The following TENM3 variants were observed in gnomAD, a reference collection of about 807,000 sequenced individuals.
TENM3 encodes teneurin-3.
Under a neutral mutation model 255.1 loss-of-function variants are expected in TENM3, and 63 were observed. The observed-to-expected ratio is 0.25, with a 90% confidence interval of 0.20 to 0.30. TENM3 has a LOEUF of 0.30. TENM3 is among the 10% of genes least tolerant of loss of function. The probability of loss-of-function intolerance (pLI) is 1.00; values close to 1 mark genes in which losing one functional copy is unlikely to be tolerated. For synonymous variants in TENM3, 1,306 were observed against 1,322.3 expected (o/e 0.99, Z 0.27); for missense variants, 2,929 against 3,461.1 (o/e 0.85, Z 3.86).
At chr4:181,946,837 G>C in the TENM3 span, among the ~76,000 whole-genome samples, 1 of 152,168 alleles carries the variant, frequency 6.6e-6, no homozygotes, top group Non-Finnish European at 1.5e-5. Flanking sequence ...ATCAAGTCGG[G>C]AGAAAATCTC....
the TENM3 span, among the ~76,000 whole-genome samples, chr4:181,785,435 C>T: frequency 6.6e-6 from 1 of 152,122 alleles, no homozygotes; most frequent in Non-Finnish European, 1.5e-5. Flanking sequence ...CCAAAAGAGG[C>T]AAGCCAACTG....
intron 3 of TENM3, among the ~76,000 whole-genome samples, chr4:182,508,214 A>G (rs1218921647): frequency 1.3e-5 from 2 of 152,224 alleles, no homozygotes; most frequent in Non-Finnish European, 2.9e-5. Context: ...AATGTTAGCC[A>G]TCATTATTGT....
intron 1 of TENM3, among the ~76,000 whole-genome samples, chr4:182,159,455 TGTGTG>T (rs1561149139): frequency 0.08 from 7,210 of 90,622 alleles, 233 homozygotes; most frequent in Non-Finnish European, 0.13. Context: ...TGAGTGTGTG[TGTGTG>T]TGTGTGTGTG....
chr4:182,587,242 A>G (rs1282738248), intron 3 of TENM3, among the ~76,000 whole-genome samples: 1 of 152,012 alleles, frequency 6.6e-6, no homozygotes, highest in Non-Finnish European at 1.5e-5. Context: ...AACTACAGGC[A>G]CATACCACCA....
chr4:182,552,773 G>T (rs1742179913), intron 3 of TENM3, among the ~76,000 whole-genome samples: 1 of 152,216 alleles, frequency 6.6e-6, no homozygotes, highest in South Asian at 2.1e-4. Flanking sequence ...GAGAGTCTAA[G>T]AACACAGGAG....
the TENM3 span, among the ~76,000 whole-genome samples, chr4:181,476,205 GGT>G: frequency 9.3e-3 from 912 of 98,038 alleles, 16 homozygotes; most frequent in African/African-American, 0.02. Flanking sequence ...ACATTTTAGG[GGT>G]TTTTTTTTTT....
intron 3 of TENM3, among the ~76,000 whole-genome samples, chr4:182,408,123 A>C (rs543114039): frequency 1.9e-3 from 283 of 152,340 alleles, no homozygotes; most frequent in African/African-American, 6.6e-3. Flanking sequence ...TAGGACCATA[A>C]TCTAACACCC....
At chr4:181,702,527 C>A in the TENM3 span, among the ~76,000 whole-genome samples, 1 of 152,038 alleles carries the variant, frequency 6.6e-6, no homozygotes, top group Non-Finnish European at 1.5e-5. Flanking sequence ...GAAAGTAATT[C>A]GATCAGATAT....
Position 182,793,798 on chromosome 4 carries a change from G to A in TENM3, c.7126G>A (p.Gly2376Arg). Reference protein sequence around the residue: ...TPDIEIWKRIGKDPAPFNLYM... With the variant: ...TPDIEIWKRIRKDPAPFNLYM... ...TGACATAGAAATCTGGAAAAGAATT[G>A]GGAAGGACCCAGCTCCTTTTAACTT... The change falls in exon 26 of 28, where the codon GGG becomes AGG. Residue 2376 changes from glycine (G) to arginine (R), a missense_variant. Coordinates refer to ENST00000511685, the MANE Select transcript of TENM3 (RefSeq NM_001080477.4). This position sits in a 1 kb window ranked among gnomAD's most constrained non-coding sequence, Gnocchi z 5.7. 4 of 1,613,844 alleles carry A rather than the reference G, an allele frequency of 2.5e-6. No individual in the cohort carries two copies. The highest frequency in any genetic ancestry group is 3.4e-6 in the Non-Finnish European group (4 of 1,179,798).
intron 12 of TENM3, among the ~76,000 whole-genome samples, chr4:182,701,317 T>G (rs1289208561): frequency 7.1e-6 from 1 of 139,940 alleles, no homozygotes; most frequent in African/African-American, 2.7e-5. Flanking sequence ...GCCTCCTGGG[T>G]TCAAGCAATT....
intron 13 of TENM3, 111 bp from the exon 14 acceptor site, chr4:182,728,854 G>T: frequency 1.3e-6 from 1 of 768,820 alleles, no homozygotes; most frequent in South Asian, 1.8e-5. Flanking sequence ...TCAGATAGTC[G>T]GGAGAAATCA....
At chr4:182,569,516 T>C (rs985092781) in intron 3 of TENM3, among the ~76,000 whole-genome samples, 24 of 149,978 alleles carry the variant, frequency 1.6e-4, no homozygotes, top group African/African-American at 5.9e-4. Context: ...ATTGCGCCAC[T>C]GCACTCCAGC....
intron 4 of TENM3, among the ~76,000 whole-genome samples, chr4:182,621,663 A>G (rs1020587079): frequency 0.013 from 1,362 of 104,124 alleles, 89 homozygotes; most frequent in African/African-American, 0.049. Context: ...AATATATAAT[A>G]TGTATTATAT....
chr4:181,499,754 G>A, the TENM3 span, among the ~76,000 whole-genome samples: 1 of 152,160 alleles, frequency 6.6e-6, no homozygotes, highest in Non-Finnish European at 1.5e-5. Flanking sequence ...TATGATTGCT[G>A]TACATTAAGA....
chr4:181,728,691 T>A, the TENM3 span, among the ~76,000 whole-genome samples: 2 of 152,202 alleles, frequency 1.3e-5, no homozygotes. Flanking sequence ...TACTGCAAGC[T>A]GTTTTCTCAA....
the TENM3 span, among the ~76,000 whole-genome samples, chr4:181,532,254 A>T: frequency 4.6e-5 from 7 of 152,284 alleles, no homozygotes; most frequent in Non-Finnish European, 5.9e-5. Flanking sequence ...GGAGGGCAAA[A>T]TTGGGCTTTA....
At chr4:182,355,393 A>G (rs1174833883) in intron 3 of TENM3, among the ~76,000 whole-genome samples, 1 of 152,144 alleles carries the variant, frequency 6.6e-6, no homozygotes, top group Non-Finnish European at 1.5e-5. Flanking sequence ...ATTTTAATGC[A>G]GAGGAATAGT....
the TENM3 span, among the ~76,000 whole-genome samples, chr4:181,606,993 A>G: frequency 6.6e-6 from 1 of 152,192 alleles, no homozygotes; most frequent in Non-Finnish European, 1.5e-5. Context: ...GATAGCAGCC[A>G]GCCAAACACA....
chr4:182,709,203 G>A (rs1180300600), intron 12 of TENM3, among the ~76,000 whole-genome samples: 2 of 151,706 alleles, frequency 1.3e-5, no homozygotes, highest in Non-Finnish European at 2.9e-5. Flanking sequence ...GGATGGTCTC[G>A]AACTCCTGAC....
Sources: gnomAD v4.1 joint callset for allele counts (sites outside exome capture counted in the v4.1 genomes callset) on GRCh38, gnomAD v4.1.1 for gene constraint, Gnocchi (gnomAD v3.1) non-coding constraint, MANE v1.5 for transcripts, NCBI Gene and HGNC (gene_info 2026-07-23, HGNC 2026-07-21) for gene names.